IL31RA: variants seen among roughly 807,000 people sequenced by gnomAD.
IL31RA encodes the protein interleukin-31 receptor subunit alpha.
In IL31RA, 66 loss-of-function variants were observed where a neutral mutation model predicts 83.7. The observed-to-expected ratio is 0.79, with a 90% CI of 0.65 to 0.97. IL31RA has a LOEUF of 0.97. Ranked by LOEUF, IL31RA falls within the 50% of genes least tolerant of loss-of-function variation. The pLI is 0.00. For missense variants in IL31RA, 798 were observed against 919.4 expected, an observed-to-expected ratio of 0.87 and a Z score of 1.71; for synonymous variants, 325 against 329.0, an observed-to-expected ratio of 0.99 and a Z score of 0.13.
chr5:55,899,804 AG>A (rs1201527685), intron 7 of IL31RA, 111 bp from the exon 8 acceptor site: 1 of 740,162 alleles, frequency 1.4e-6, no homozygotes, highest in African/African-American at 1.7e-5. Context: ...ATTGTAGTTT[AG>A]TATCTAATAG....
In IL31RA at chr5:55,917,360, C is replaced by G. The variant is rs1749851922; in HGVS notation, c.*240C>G. On this transcript the variant is annotated 3_prime_UTR_variant, in exon 15 of 15. Transcript: ENST00000652347. ...GAACAGCAGTCTCTTTTCGTTTGTT[C>G]AGATACCAAGCTCTCACCGAGGCCT... 2 of 1,370,074 alleles carry G rather than the reference C, an allele frequency of 1.5e-6. No homozygotes were observed. The highest frequency in any genetic ancestry group is 3.0e-5 in the South Asian group (2 of 65,794). 84.9% of individuals were successfully genotyped at this position (1,370,074 alleles called of 1,614,324 possible).
intron 7 of IL31RA, among the ~76,000 whole-genome samples, chr5:55,897,013 ATATT>A (rs1215353505): frequency 9.2e-4 from 1 of 1,084 alleles, no homozygotes; most frequent in Non-Finnish European, 1.6e-3. Flanking sequence ...ATATATATAT[ATATT>A]TTTTTTTTTT....
intron 6 of IL31RA, among the ~76,000 whole-genome samples, chr5:55,893,507 G>A (rs1748142942): frequency 6.6e-6 from 1 of 152,154 alleles, no homozygotes; most frequent in African/African-American, 2.4e-5. Context: ...AGACATTTTG[G>A]TTGATTTGGA....
chr5:55,914,994 G>T, intron 14 of IL31RA, 66 bp downstream of exon 14: 3 of 1,200,496 alleles, frequency 2.5e-6, no homozygotes, highest in Non-Finnish European at 3.7e-6. Flanking sequence ...AATGGAGATG[G>T]GGAAAGAGTC....
intron 4 of IL31RA, among the ~76,000 whole-genome samples, chr5:55,873,207 G>A (rs975384645): frequency 6.6e-6 from 1 of 152,034 alleles, no homozygotes. Flanking sequence ...ATGTTTTCAA[G>A]GTTCATCAAT....
intron 3 of IL31RA, among the ~76,000 whole-genome samples, chr5:55,870,006 T>C (rs1382090320): frequency 3.9e-5 from 6 of 152,176 alleles, no homozygotes; most frequent in African/African-American, 9.7e-5. Flanking sequence ...AGCACTGATA[T>C]AGCTACGAGA....
In IL31RA at chr5:55,881,578, T is replaced by C. The variant is rs898446113; in HGVS notation, c.455-1466T>C. On this transcript the variant is annotated intron_variant, in intron 4 of 14. Transcript: ENST00000652347. ...AGGAGGTGAGCATGCGCAGTGTATTTACTGGAGTCGTACGCATGCTCAACT... is the reference window on the plus strand; with the variant it reads ...AGGAGGTGAGCATGCGCAGTGTATTCACTGGAGTCGTACGCATGCTCAACT... 2.6e-5 allele frequency among the ~76,000 whole-genome samples: 4 copies of C among 152,202 alleles called. No individual in the cohort carries two copies. In the South Asian group the frequency reaches 8.3e-4, roughly 32 times the overall value.
At chr5:55,912,877 AG>A (rs1749579227) in intron 12 of IL31RA, among the ~76,000 whole-genome samples, 1 of 151,928 alleles carries the variant, frequency 6.6e-6, no homozygotes, top group African/African-American at 2.4e-5. Flanking sequence ...CTGAGGCAGG[AG>A]GTTGCTTGAG....
chr5:55,841,646 C>T, the IL31RA span, among the ~76,000 whole-genome samples: 1 of 152,290 alleles, frequency 6.6e-6, no homozygotes, highest in Admixed American at 6.5e-5. Context: ...AACAGGGCTG[C>T]CAGAACCCAT....
chr5:55,850,783 G>A (rs763755160), upstream of IL31RA, among the ~76,000 whole-genome samples: 12 of 152,024 alleles, frequency 7.9e-5, no homozygotes, highest in Non-Finnish European at 1.6e-4. Context: ...CAATAAAATC[G>A]CCACAAACAC....
intron 2 of IL31RA, among the ~76,000 whole-genome samples, chr5:55,867,223 GT>G (rs1253325024): frequency 0.022 from 2,454 of 112,048 alleles, 71 homozygotes; most frequent in African/African-American, 0.06. Flanking sequence ...ATGTGTGTTT[GT>G]GTGTGTGTTT....
intron 11 of IL31RA, among the ~76,000 whole-genome samples, chr5:55,910,044 T>C (rs1313022417): frequency 6.6e-6 from 1 of 152,242 alleles, no homozygotes; most frequent in Admixed American, 6.5e-5. Flanking sequence ...GTATTTTTCA[T>C]CTTTTTTCTT....
At chr5:55,864,351 ACAC>A (rs1250859696) in intron 2 of IL31RA, among the ~76,000 whole-genome samples, 2 of 93,098 alleles carry the variant, frequency 2.1e-5, no homozygotes, top group East Asian at 4.9e-4. Flanking sequence ...ACACACACAC[ACAC>A]ACCACACACA....
At chr5:55,900,177 A>C in intron 8 of IL31RA, 45 bp downstream of exon 8, 1 of 1,397,922 alleles carries the variant, frequency 7.2e-7, no homozygotes, top group Non-Finnish European at 1.0e-6. Flanking sequence ...GGTCCCATCA[A>C]TTGGCCAAGG....
intron 7 of IL31RA, among the ~76,000 whole-genome samples, chr5:55,898,031 G>A (rs1002093934): frequency 3.3e-5 from 5 of 152,208 alleles, no homozygotes; most frequent in Admixed American, 6.5e-5. Context: ...CCTGGGTTGC[G>A]GAGGCGGTGC....
Position 55,922,524 on chromosome 5 carries a change from G to GCC in IL31RA, c.*5407_*5408dup. 1 of 1,111,848 alleles carries GCC rather than the reference G, an allele frequency of 9.0e-7. No individual in the cohort carries two copies. Among genetic ancestry groups the GCC allele is most frequent in the East Asian group, 2.6e-5 (1 of 38,724 alleles). 68.9% of individuals were successfully genotyped at this position (1,111,848 alleles called of 1,614,324 possible). A position where few individuals can be genotyped will look rare whatever the true frequency, so the allele number is the denominator to read the frequency against. ...TCCAACTAGGAAGACTGAATCTGTG[G>GCC]CCCCAAGAGAACCATCTCTGAAGAC... is the stretch of plus-strand genomic sequence containing the variant. On this transcript the variant is annotated 3_prime_UTR_variant, in exon 15 of 15. Transcript: ENST00000652347.
intron 6 of IL31RA, 62 bp downstream of exon 6, chr5:55,890,197 C>G: frequency 6.4e-7 from 1 of 1,556,278 alleles, no homozygotes; most frequent in Non-Finnish European, 8.8e-7. Context: ...TTGGGCTAGA[C>G]TTGGTGGGGT....
In IL31RA at chr5:55,883,071, GT is replaced by G. The variant is rs755161794; in HGVS notation, c.483del (p.Val162Ter). ...AAAACTGAACCACCTAAGATTTTCC[GT>G]GTGAAACCAGTTTTGGGCATCAAAC... ...IAKTEPPKIF[R>X]VKPVLGIKRM... On this transcript the variant is annotated frameshift_variant, in exon 5 of 15. Transcript: ENST00000652347. LOFTEE classifies it high-confidence loss of function. The G allele has an allele frequency of 6.2e-7, 1 of 1,613,928 alleles. No individual in the cohort carries two copies. The highest frequency in any genetic ancestry group is 1.1e-5 in the South Asian group (1 of 91,070).
chr5:55,854,985 A>G (rs1311880557), intron 1 of IL31RA, among the ~76,000 whole-genome samples: 5 of 152,154 alleles, frequency 3.3e-5, no homozygotes, highest in African/African-American at 1.2e-4. Flanking sequence ...TTGATCAGTG[A>G]AAGTATAAAC....
Sources: gnomAD v4.1 joint callset for allele counts (sites outside exome capture counted in the v4.1 genomes callset) on GRCh38, gnomAD v4.1.1 for gene constraint, MANE v1.5 for transcripts, NCBI Gene and HGNC (gene_info 2026-07-23, HGNC 2026-07-21) for gene names.